UNC79: variants seen among roughly 807,000 people sequenced by gnomAD.
UNC79 encodes the protein unc-79 subunit of NALCN channel complex.
In UNC79, 37 loss-of-function variants were observed where a neutral mutation model predicts 283.1. That is an observed-to-expected ratio of 0.13 (90% CI 0.10 to 0.17). The LOEUF (loss-of-function observed/expected upper bound fraction) is 0.17, where lower values mean the gene tolerates loss of function less well. Ranked by LOEUF, UNC79 falls within the 10% of genes least tolerant of loss-of-function variation. UNC79 has a pLI of 1.00. For missense variants in UNC79, 2,272 were observed against 3,211.1 expected, an observed-to-expected ratio of 0.71 and a Z score of 7.07; for synonymous variants, 1,107 against 1,200.2, an observed-to-expected ratio of 0.92 and a Z score of 1.61.
chr14:93,509,070 G>A (rs999674922), intron 7 of UNC79, among the ~76,000 whole-genome samples: 2 of 152,176 alleles, frequency 1.3e-5, no homozygotes, highest in Non-Finnish European at 2.9e-5. Flanking sequence ...TACAATAATG[G>A]CAGAAGGTGC....
At chr14:93,485,285 C>T (rs576023583) in intron 4 of UNC79, among the ~76,000 whole-genome samples, 4 of 150,242 alleles carry the variant, frequency 2.7e-5, no homozygotes, top group Non-Finnish European at 5.9e-5. Flanking sequence ...ACATCTGAGA[C>T]AAGAATTTCT....
exon 19 of UNC79, chr14:93,580,338 C>T (rs143375776): frequency 1.9e-6 from 3 of 1,614,184 alleles, no homozygotes; most frequent in East Asian, 2.2e-5. Flanking sequence ...TTGTGAACTC[C>T]TGGAGAGACT....
At position 93,532,531 on chromosome 14, in the gene UNC79, G is replaced by A. The variant is rs766593580; in HGVS notation, c.1094-19G>A. 2.0e-5 allele frequency: 32 copies of A among 1,606,428 alleles called. 1 individual carries two copies. The Admixed American group carries it at 5.4e-4, about 27-fold the overall frequency. On this transcript the variant is annotated intron_variant, in intron 10 of 48. Transcript: ENST00000555664. ...GGCTCTCTTTCTTTGTTGATATTTT[G>A]TGTGCCTTCCCCTTACAGCTGAAAT...
In UNC79 at chr14:93,474,003, A is replaced by G. The variant is rs1416334226; in HGVS notation, c.144-86A>G. ...TTATGTGGAATGTATCTGGTGTTTT[A>G]TTATTTGTTTTAGAGTGTCATTTCA... On this transcript the variant is annotated intron_variant, in intron 2 of 48. Transcript: ENST00000555664. The surrounding 1 kb of genome is among the most constrained non-coding windows in gnomAD (Gnocchi z 4.1). The G allele has an allele frequency of 7.1e-7, 1 of 1,415,440 alleles. No individual in the cohort carries two copies. Among genetic ancestry groups the G allele is most frequent in the African/African-American group, 1.4e-5 (1 of 69,426 alleles). The allele number at this position is 1,415,440 out of a possible 1,614,324, so 87.7% of individuals were successfully genotyped here.
chr14:93,564,074 A>G (rs1458689227), intron 14 of UNC79, among the ~76,000 whole-genome samples: 1 of 152,222 alleles, frequency 6.6e-6, no homozygotes, highest in Non-Finnish European at 1.5e-5. Context: ...CAAAAAGGCT[A>G]CAGGGTGCAT....
At chr14:93,601,908 G>C (rs1468548013) in intron 25 of UNC79, among the ~76,000 whole-genome samples, 1 of 152,042 alleles carries the variant, frequency 6.6e-6, no homozygotes, top group African/African-American at 2.4e-5. Flanking sequence ...CTTCTTTTGA[G>C]AATTTTCTAT....
intron 34 of UNC79, 82 bp downstream of exon 37, chr14:93,643,779 G>A (rs142756806): frequency 0.012 from 18,562 of 1,550,832 alleles, 192 homozygotes; most frequent in South Asian, 0.04. Context: ...CAGTTCAAAA[G>A]TGAAACATTC....
At chr14:93,519,625 C>T (rs563218569) in intron 7 of UNC79, among the ~76,000 whole-genome samples, 130 of 151,650 alleles carry the variant, frequency 8.6e-4, no homozygotes, top group Non-Finnish European at 8.1e-4. Context: ...CCCATCTGTT[C>T]CTTTTTTTTC....
At chr14:93,454,444 T>TATGTATGTAGC (rs1555411888) in intron 1 of UNC79, among the ~76,000 whole-genome samples, 1 of 151,682 alleles carries the variant, frequency 6.6e-6, no homozygotes, top group Non-Finnish European at 1.5e-5. Flanking sequence ...TGTATGTGTA[T>TATGTATGTAGC]ACATAATTAG....
chr14:93,648,410 G>A (rs376622212), intron 35 of UNC79, among the ~76,000 whole-genome samples: 8 of 152,168 alleles, frequency 5.3e-5, no homozygotes, highest in African/African-American at 1.7e-4. Flanking sequence ...GCAGGTGAGA[G>A]GTTAGTGGTT....
At chr14:93,609,842 G>C (rs1366094587) in intron 26 of UNC79, among the ~76,000 whole-genome samples, 1 of 152,158 alleles carries the variant, frequency 6.6e-6, no homozygotes, top group Non-Finnish European at 1.5e-5. Flanking sequence ...ATTTCAAAGA[G>C]AGGCAATAAA....
intron 1 of UNC79, among the ~76,000 whole-genome samples, chr14:93,387,769 C>T (rs191590546): frequency 2.6e-5 from 4 of 152,306 alleles, no homozygotes; most frequent in Non-Finnish European, 5.9e-5. Flanking sequence ...TTCTATAGTG[C>T]AGATTAAGTA....
At chr14:93,699,668 A>G (rs1595139232) in intron 47 of UNC79, among the ~76,000 whole-genome samples, 1 of 152,198 alleles carries the variant, frequency 6.6e-6, no homozygotes, top group South Asian at 2.1e-4. Context: ...CATATATTGT[A>G]TAAGAACTGT....
At chr14:93,687,211 A>G (rs2074312323) in intron 43 of UNC79, among the ~76,000 whole-genome samples, 1 of 152,186 alleles carries the variant, frequency 6.6e-6, no homozygotes, top group Non-Finnish European at 1.5e-5. Context: ...GCAAACATAC[A>G]CCATGTATTA....
intron 1 of UNC79, among the ~76,000 whole-genome samples, chr14:93,344,814 A>G (rs1334729114): frequency 6.6e-6 from 1 of 152,216 alleles, no homozygotes; most frequent in Non-Finnish European, 1.5e-5. Context: ...GACTGAGAAC[A>G]AGGAGATGAG....
intron 1 of UNC79, among the ~76,000 whole-genome samples, chr14:93,402,960 A>T (rs2055142269): frequency 6.6e-6 from 1 of 152,208 alleles, no homozygotes; most frequent in South Asian, 2.1e-4. Flanking sequence ...TGTTAGGTAG[A>T]CATGAGACAT....
intron 5 of UNC79, among the ~76,000 whole-genome samples, chr14:93,495,009 C>T (rs1206942664): frequency 6.6e-6 from 1 of 152,106 alleles, no homozygotes; most frequent in Non-Finnish European, 1.5e-5. Flanking sequence ...TGGTGTACCT[C>T]TTTCGTTTTA....
intron 9 of UNC79, 77 bp from the exon 10 acceptor site, chr14:93,529,209 T>A: frequency 6.7e-7 from 1 of 1,482,194 alleles, no homozygotes; most frequent in Non-Finnish European, 9.3e-7. Context: ...TCAGCACTAG[T>A]GTGCAGCTTA....
rs557366605 is a variant in UNC79, at chr14:93,588,522, C to T, written c.3032+1614C>T. 8.4e-4 allele frequency among the ~76,000 whole-genome samples: 128 copies of T among 152,068 alleles called. 2 individuals are homozygous for T. The South Asian group carries it at 0.026, about 30-fold the overall frequency. On this transcript the variant is annotated intron_variant, in intron 22 of 48. Coordinates refer to ENST00000555664, the Ensembl canonical transcript of UNC79. ...TTGGGAGGCCGAGGCCGGCGGATCA[C>T]GAGGTCAGGAGATCGAGACCATCCT...
Sources: allele counts gnomAD v4.1 joint callset (sites outside exome capture counted in the v4.1 genomes callset), GRCh38; gene constraint gnomAD v4.1.1; non-coding constraint Gnocchi (gnomAD v3.1); transcripts MANE v1.5; gene names NCBI Gene and HGNC (gene_info 2026-07-23, HGNC 2026-07-21).